SCAPER: variants seen among roughly 807,000 people sequenced by gnomAD.
SCAPER encodes S-phase cyclin A associated protein in the ER, also known as S phase cyclin A-associated protein in the endoplasmic reticulum.
In SCAPER, 98 loss-of-function variants were observed where a neutral mutation model predicts 182.2. The observed-to-expected ratio is 0.54, with a 90% confidence interval of 0.46 to 0.64. The LOEUF is 0.64. SCAPER is among the 30% of genes least tolerant of loss of function. The pLI, the probability that SCAPER is intolerant of heterozygous loss-of-function variation, is 0.00. For missense variants in SCAPER, 1,432 were observed against 1,690.0 expected (o/e 0.85, Z 2.68); for synonymous variants, 605 against 564.6 (o/e 1.07, Z -1.01).
intron 22 of SCAPER, among the ~76,000 whole-genome samples, chr15:76,606,276 T>G (rs1295402648): frequency 1.3e-5 from 2 of 152,310 alleles, no homozygotes; most frequent in South Asian, 2.1e-4. Flanking sequence ...ATTTCATTAT[T>G]TACCCAGTAG....
intron 2 of SCAPER, among the ~76,000 whole-genome samples, chr15:76,865,075 T>G (rs79625513): frequency 2.1e-3 from 314 of 152,274 alleles, no homozygotes; most frequent in African/African-American, 7.4e-3. Context: ...TACAGAATTA[T>G]TATTTAAATT....
chr15:76,451,571 C>T (rs764837413), intron 25 of SCAPER, among the ~76,000 whole-genome samples: 2 of 152,196 alleles, frequency 1.3e-5, no homozygotes, highest in Non-Finnish European at 2.9e-5. Context: ...CAGTCAGAAA[C>T]GTTAATGAGA....
At chr15:76,886,593 T>C (rs774657394) in intron 1 of SCAPER, among the ~76,000 whole-genome samples, 1 of 152,232 alleles carries the variant, frequency 6.6e-6, no homozygotes, top group Non-Finnish European at 1.5e-5. Context: ...TTGTGGAAGA[T>C]AGTGTGGTGA....
chr15:76,564,984 T>C (rs2046927024), intron 23 of SCAPER, among the ~76,000 whole-genome samples: 1 of 152,172 alleles, frequency 6.6e-6, no homozygotes, highest in Non-Finnish European at 1.5e-5. Context: ...AGATTTAAAC[T>C]GGACCCATTC....
In SCAPER at chr15:76,804,517, C is replaced by A. The variant is rs1323821874; in HGVS notation, c.494+16G>T. On this transcript the variant is annotated intron_variant, in intron 6 of 31. Coordinates refer to ENST00000563290, the MANE Select transcript of SCAPER (RefSeq NM_020843.4). Reference sequence around the variant, plus strand: ...CTGCTGGATGATAGGAAGATTGAGACCAGAGAGCTCATTACCTGCTTTGAG... The same window carrying A: ...CTGCTGGATGATAGGAAGATTGAGAACAGAGAGCTCATTACCTGCTTTGAG... 6.5e-7 allele frequency: 1 copy of A among 1,550,172 alleles called. No homozygotes were observed. Among genetic ancestry groups the A allele is most frequent in the Non-Finnish European group, 8.8e-7 (1 of 1,130,088 alleles).
At chr15:76,886,740 T>C (rs2151968074) in intron 1 of SCAPER, among the ~76,000 whole-genome samples, 1 of 152,242 alleles carries the variant, frequency 6.6e-6, no homozygotes, top group South Asian at 2.1e-4. Flanking sequence ...AGCAAAGACA[T>C]GGAATCAACC....
intron 5 of SCAPER, among the ~76,000 whole-genome samples, chr15:76,833,324 T>C (rs1366414116): frequency 6.6e-6 from 1 of 152,024 alleles, no homozygotes; most frequent in African/African-American, 2.4e-5. Flanking sequence ...CACAAGCAAA[T>C]GCTAAGGGAA....
chr15:76,735,101 G>A (rs978135876), intron 15 of SCAPER, among the ~76,000 whole-genome samples: 7 of 151,964 alleles, frequency 4.6e-5, no homozygotes, highest in East Asian at 1.9e-4. Context: ...ATCCCAGCAC[G>A]TTAGGAGGGC....
At chr15:76,817,830 T>G (rs1443564361) in intron 5 of SCAPER, among the ~76,000 whole-genome samples, 1 of 151,990 alleles carries the variant, frequency 6.6e-6, no homozygotes, top group Admixed American at 6.6e-5. Flanking sequence ...ATTAGAAAAC[T>G]AAGTAAATGG....
chr15:76,638,998 T>G (rs978683894), intron 21 of SCAPER, among the ~76,000 whole-genome samples: 1 of 152,218 alleles, frequency 6.6e-6, no homozygotes, highest in Non-Finnish European at 1.5e-5. Flanking sequence ...TCAAACCTAG[T>G]GTATTTAGAT....
At chr15:76,614,970 AAG>A in intron 22 of SCAPER, among the ~76,000 whole-genome samples, 1 of 152,342 alleles carries the variant, frequency 6.6e-6, no homozygotes, top group East Asian at 1.9e-4. Flanking sequence ...GAAGGATTCA[AAG>A]AGAGTACTAT....
chr15:76,731,910 A>G (rs926429657), intron 16 of SCAPER, among the ~76,000 whole-genome samples: 3 of 152,230 alleles, frequency 2.0e-5, no homozygotes, highest in Admixed American at 6.5e-5. Context: ...TTTTTAAACG[A>G]AAGATAACTG....
intron 24 of SCAPER, among the ~76,000 whole-genome samples, chr15:76,495,577 CAAAAAAA>C (rs71444987): frequency 7.0e-5 from 4 of 56,956 alleles, no homozygotes; most frequent in East Asian, 6.4e-4. Context: ...GACTTGGTCT[CAAAAAAA>C]AAAAAAAAAA....
chr15:76,560,111 C>T (rs1435847225), intron 23 of SCAPER, among the ~76,000 whole-genome samples: 15 of 151,472 alleles, frequency 9.9e-5, no homozygotes, highest in Non-Finnish European at 1.9e-4. Flanking sequence ...TGTTTGTGTG[C>T]CCCTCTCCAA....
chr15:76,545,208 T>G (rs1169103500), intron 23 of SCAPER, among the ~76,000 whole-genome samples: 1 of 152,170 alleles, frequency 6.6e-6, no homozygotes, highest in African/African-American at 2.4e-5. Flanking sequence ...GATGCTCTAA[T>G]GGTTATTGTG....
chr15:76,615,585 C>T (rs546983130), intron 22 of SCAPER, among the ~76,000 whole-genome samples: 2 of 151,246 alleles, frequency 1.3e-5, no homozygotes, highest in Non-Finnish European at 2.9e-5. Context: ...CTTTGGGACA[C>T]CGAGGTAGGC....
At chr15:76,357,189 C>CACACACACACACACA (rs1555410451) in intron 29 of SCAPER, among the ~76,000 whole-genome samples, 9 of 146,358 alleles carry the variant, frequency 6.1e-5, no homozygotes, top group East Asian at 2.0e-4. Flanking sequence ...CACACACACA[C>CACACACACACACACA]CCCTATGGCC....
rs1336568591 is a variant in SCAPER at position 76,900,796 on chromosome 15, C to T, written c.-60+4503G>A. Reference sequence around the variant, plus strand: ...TGAGAAGCCTGCTGGTAGCACTACTCCAAAATATAGGGGCCCATCTAACTG... The same window carrying T: ...TGAGAAGCCTGCTGGTAGCACTACTTCAAAATATAGGGGCCCATCTAACTG... On this transcript the variant is annotated intron_variant, in intron 1 of 31. Transcript: ENST00000563290. Among the ~76,000 whole-genome samples the T allele has an allele frequency of 4.6e-5, 7 of 152,244 alleles. No individual in the cohort carries two copies. In the East Asian group the frequency reaches 1.3e-3, roughly 29 times the overall value.
intron 21 of SCAPER, among the ~76,000 whole-genome samples, chr15:76,659,245 T>C (rs2146667951): frequency 6.6e-6 from 1 of 152,234 alleles, no homozygotes; most frequent in South Asian, 2.1e-4. Context: ...ACCAATCTCA[T>C]TAAAAAGTGG....
Sources: gnomAD v4.1 joint callset for allele counts (sites outside exome capture counted in the v4.1 genomes callset) on GRCh38, gnomAD v4.1.1 for gene constraint, MANE v1.5 for transcripts, NCBI Gene and HGNC (gene_info 2026-07-23, HGNC 2026-07-21) for gene names.